The following TPTE variants were observed in gnomAD, a reference collection of about 807,000 sequenced individuals.
TPTE encodes the protein putative tyrosine-protein phosphatase TPTE.
Under a neutral mutation model 84.1 loss-of-function variants are expected in TPTE, and 59 were observed. The ratio of observed to expected loss-of-function variants is 0.70; its 90% CI spans 0.57 to 0.87. TPTE has a LOEUF of 0.87. Ranked by LOEUF, TPTE falls within the 40% of genes least tolerant of loss-of-function variation. The pLI is 0.00. For missense variants in TPTE, 382 were observed against 659.6 expected, an observed-to-expected ratio of 0.58 and a Z score of 4.61; for synonymous variants, 130 against 223.5, an observed-to-expected ratio of 0.58 and a Z score of 3.73.
At chr21:10,593,018 G>T (rs1269874850) in intron 19 of TPTE, among the ~76,000 whole-genome samples, 1 of 152,244 alleles carries the variant, frequency 6.6e-6, no homozygotes, top group Non-Finnish European at 1.5e-5. Flanking sequence ...TTTTGTTATG[G>T]AAAATTTTAA....
chr21:10,598,135 T>C, intron 21 of TPTE, 41 bp downstream of exon 21: 2 of 1,610,264 alleles, frequency 1.2e-6, no homozygotes, highest in Admixed American at 1.7e-5. Context: ...TGATGTTTGT[T>C]TTAAGGCTGA....
intron 17 of TPTE, among the ~76,000 whole-genome samples, chr21:10,589,159 T>G (rs866989182): frequency 1.3e-4 from 20 of 152,414 alleles, no homozygotes; most frequent in South Asian, 8.3e-4. Context: ...ATTTTTCTTT[T>G]TCTTTCCTTT....
At chr21:10,594,698 T>G (rs1367312953) in intron 19 of TPTE, among the ~76,000 whole-genome samples, 1 of 152,312 alleles carries the variant, frequency 6.6e-6, no homozygotes, top group African/African-American at 2.4e-5. Flanking sequence ...GTGCATAGTT[T>G]CCCTAACTGT....
At chr21:10,525,949 C>T (rs1442761538) in intron 2 of TPTE, among the ~76,000 whole-genome samples, 1 of 152,306 alleles carries the variant, frequency 6.6e-6, no homozygotes, top group Non-Finnish European at 1.5e-5. Flanking sequence ...GAGTGTCTTC[C>T]AGTTCTCTTC....
chr21:10,523,970 A>G (rs2074034642), intron 1 of TPTE, among the ~76,000 whole-genome samples: 1 of 152,306 alleles, frequency 6.6e-6, no homozygotes, highest in Non-Finnish European at 1.5e-5. Context: ...TTGTTTCCTG[A>G]CTTTTTAATG....
At chr21:10,522,689 G>T (rs1167283059) in intron 1 of TPTE, among the ~76,000 whole-genome samples, 1 of 152,306 alleles carries the variant, frequency 6.6e-6, no homozygotes, top group Non-Finnish European at 1.5e-5. Context: ...TTTAAAAGTT[G>T]GGTTGTTTTC....
intron 10 of TPTE, among the ~76,000 whole-genome samples, chr21:10,563,943 C>G (rs1185503054): frequency 2.0e-4 from 31 of 152,404 alleles, no homozygotes; most frequent in Admixed American, 5.9e-4. Context: ...ATCATGAGGT[C>G]AAGAGCTACA....
intron 11 of TPTE, among the ~76,000 whole-genome samples, chr21:10,568,999 A>T (rs1386002353): frequency 7.2e-5 from 11 of 152,300 alleles, no homozygotes. Flanking sequence ...AAAGATGAAC[A>T]AGAATAATCG....
At chr21:10,594,429 C>T (rs2075542119) in intron 19 of TPTE, among the ~76,000 whole-genome samples, 2 of 152,426 alleles carry the variant, frequency 1.3e-5, no homozygotes, top group African/African-American at 2.4e-5. Context: ...CCCATCTTTC[C>T]ACCCTTTTCT....
At chr21:10,578,818 GA>G (rs542532229) in intron 17 of TPTE, among the ~76,000 whole-genome samples, 123 of 152,060 alleles carry the variant, frequency 8.1e-4, no homozygotes, top group African/African-American at 2.8e-3. Context: ...AAGAAAGTAA[GA>G]AAAAAGAACT....
intron 7 of TPTE, among the ~76,000 whole-genome samples, chr21:10,547,819 C>T (rs1268438254): frequency 6.6e-6 from 1 of 152,310 alleles, no homozygotes; most frequent in African/African-American, 2.4e-5. Flanking sequence ...GGGAAATCAA[C>T]CCCCACCACC....
chr21:10,586,815 A>C (rs1399518320), intron 17 of TPTE, among the ~76,000 whole-genome samples: 2 of 152,304 alleles, frequency 1.3e-5, no homozygotes, highest in African/African-American at 4.8e-5. Flanking sequence ...GTTATTCTAA[A>C]GATTTACTTA....
intron 19 of TPTE, among the ~76,000 whole-genome samples, chr21:10,593,980 AAG>A (rs1453957859): frequency 6.6e-6 from 1 of 152,312 alleles, no homozygotes; most frequent in Non-Finnish European, 1.5e-5. Flanking sequence ...AAACAAAACA[AAG>A]ATAGTCATAG....
intron 10 of TPTE, among the ~76,000 whole-genome samples, chr21:10,565,442 T>A (rs1481777701): frequency 6.6e-6 from 1 of 152,308 alleles, no homozygotes; most frequent in Non-Finnish European, 1.5e-5. Flanking sequence ...CAAAGCAATT[T>A]ACAGATTCAA....
chr21:10,571,648 G>GAT (rs377694566), intron 14 of TPTE, among the ~76,000 whole-genome samples: 5,096 of 143,828 alleles, frequency 0.035, no homozygotes, highest in South Asian at 0.057. Flanking sequence ...ATTCAACAAG[G>GAT]ATATATATAT....
chr21:10,586,551 AAC>A (rs2075369539), intron 17 of TPTE, among the ~76,000 whole-genome samples: 1 of 152,420 alleles, frequency 6.6e-6, no homozygotes, highest in South Asian at 2.1e-4. Context: ...CATTGTTGAG[AAC>A]AGTGTTCTAT....
At chr21:10,591,408 T>C (rs1254093823) in intron 18 of TPTE, among the ~76,000 whole-genome samples, 1 of 152,310 alleles carries the variant, frequency 6.6e-6, no homozygotes, top group Non-Finnish European at 1.5e-5. Flanking sequence ...ATGGGTGTTC[T>C]AGGATGGTGT....
At chr21:10,524,996 A>G (rs1228925920) in intron 2 of TPTE, among the ~76,000 whole-genome samples, 2 of 152,302 alleles carry the variant, frequency 1.3e-5, no homozygotes, top group African/African-American at 2.4e-5. Context: ...GTGTGATAAT[A>G]TGCATATACT....
chr21:10,538,925 G>A (rs1488719613), intron 4 of TPTE, among the ~76,000 whole-genome samples, 191 bp downstream of exon 4: 7 of 152,308 alleles, frequency 4.6e-5, no homozygotes, highest in African/African-American at 1.2e-4. Flanking sequence ...ACAGACGGCC[G>A]GACATTTGTG....
Sources: allele counts gnomAD v4.1 joint callset (sites outside exome capture counted in the v4.1 genomes callset), GRCh38; gene constraint gnomAD v4.1.1; transcripts MANE v1.5; gene names NCBI Gene and HGNC (gene_info 2026-07-23, HGNC 2026-07-21).